METTL15: variants seen among roughly 807,000 people sequenced by gnomAD.
METTL15 encodes the protein methyltransferase 15, mitochondrial 12S rRNA N4-cytidine, also known as 12S rRNA N(4)-cytidine methyltransferase METTL15.
METTL15 carries 34 observed loss-of-function variants against 38.3 expected under a neutral mutation model. The ratio of observed to expected loss-of-function variants is 0.89; its 90% confidence interval spans 0.68 to 1.18. The LOEUF is 1.18. Ranked by LOEUF, METTL15 falls within the 50% of genes most tolerant of loss-of-function variation. The pLI is 0.00. For synonymous variants in METTL15, 162 were observed against 170.9 expected, an observed-to-expected ratio of 0.95 and a Z score of 0.41; for missense variants, 438 against 498.4, an observed-to-expected ratio of 0.88 and a Z score of 1.15.
intron 6 of METTL15, among the ~76,000 whole-genome samples, chr11:28,480,838 G>A (rs1851388874): frequency 6.6e-6 from 1 of 152,130 alleles, no homozygotes; most frequent in Admixed American, 6.5e-5. Flanking sequence ...CAGACAGAAG[G>A]AAAAGACACT....
intron 6 of METTL15, among the ~76,000 whole-genome samples, chr11:28,302,752 A>G (rs188874554): frequency 1.2e-4 from 18 of 152,314 alleles, no homozygotes; most frequent in Admixed American, 1.1e-3. Context: ...TATGCAGGTA[A>G]GTTAGGAAAA....
intron 4 of METTL15, among the ~76,000 whole-genome samples, chr11:28,354,444 GAA>G (rs1850072829): frequency 6.6e-6 from 1 of 152,156 alleles, no homozygotes; most frequent in Admixed American, 6.6e-5. Flanking sequence ...AGACAGAGAG[GAA>G]CCTAACATTG....
intron 3 of METTL15, among the ~76,000 whole-genome samples, chr11:28,344,253 G>A (rs924251367): frequency 2.0e-4 from 30 of 152,132 alleles, no homozygotes; most frequent in African/African-American, 6.7e-4. Context: ...ACATTATTAA[G>A]AATACTAATA....
intron 3 of METTL15, among the ~76,000 whole-genome samples, chr11:28,128,592 T>G (rs925864953): frequency 6.6e-6 from 1 of 152,160 alleles, no homozygotes; most frequent in African/African-American, 2.4e-5. Flanking sequence ...AATGGACATT[T>G]TATATGAATC....
At chr11:28,200,581 C>T (rs569443055) in intron 3 of METTL15, among the ~76,000 whole-genome samples, 4 of 152,184 alleles carry the variant, frequency 2.6e-5, no homozygotes, top group South Asian at 4.1e-4. Flanking sequence ...ACCCTACCAG[C>T]GGTCTAATAT....
At chr11:28,159,836 T>C (rs112295641) in intron 3 of METTL15, among the ~76,000 whole-genome samples, 84 of 152,286 alleles carry the variant, frequency 5.5e-4, no homozygotes, top group Middle Eastern at 3.4e-3. Context: ...TTGAAGATTA[T>C]GTGTGATTTC....
chr11:28,393,451 G>C (rs1316800454), intron 5 of METTL15, among the ~76,000 whole-genome samples: 7 of 152,028 alleles, frequency 4.6e-5, no homozygotes, highest in Non-Finnish European at 7.4e-5. Context: ...TTTTGAAGTG[G>C]CTTAGTTAGG....
intron 5 of METTL15, among the ~76,000 whole-genome samples, chr11:28,403,919 C>T (rs1441358996): frequency 6.6e-6 from 1 of 151,858 alleles, no homozygotes; most frequent in Non-Finnish European, 1.5e-5. Flanking sequence ...TTTTTAAAAA[C>T]CATGCTGATT....
chr11:28,470,668 A>T (rs1055674516), intron 6 of METTL15, among the ~76,000 whole-genome samples: 3 of 152,150 alleles, frequency 2.0e-5, no homozygotes, highest in African/African-American at 7.2e-5. Flanking sequence ...CTTATTATTT[A>T]AGCCATTTTT....
intron 4 of METTL15, among the ~76,000 whole-genome samples, chr11:28,234,348 T>C (rs376723636): frequency 6.6e-6 from 1 of 151,572 alleles, no homozygotes; most frequent in African/African-American, 2.4e-5. Context: ...TCAAATGGTA[T>C]TTCTAGTTCT....
chr11:28,123,778 A>G (rs562309844), intron 3 of METTL15: 4 of 967,340 alleles, frequency 4.1e-6, no homozygotes, highest in East Asian at 5.7e-5. Flanking sequence ...GGCCTGTGTC[A>G]TCTGTAATAG....
chr11:28,211,171 T>C lies in METTL15; in HGVS notation c.380T>C (p.Leu127Ser). 1 of 1,610,340 alleles carries C rather than the reference T, an allele frequency of 6.2e-7. No individual in the cohort carries two copies. Residue 127 changes from leucine (L) to serine (S), a missense_variant, in exon 4 of 7, where the codon TTA (leucine) becomes TCA (serine). Coordinates refer to ENST00000407364, the MANE Select transcript of METTL15 (RefSeq NM_001113528.2). ...GACAGAGACCCAACAGCTTATGCAT[T>C]AGCTGAACATCTTTCAGAGTTGTAT... ...ALDRDPTAYA[L>S]AEHLSELYPK...
chr11:28,273,900 A>T (rs1855743531), intron 4 of METTL15, among the ~76,000 whole-genome samples: 1 of 152,114 alleles, frequency 6.6e-6, no homozygotes, highest in African/African-American at 2.4e-5. Context: ...ATGCACTTGC[A>T]GATTTCCGTC....
intron 5 of METTL15, among the ~76,000 whole-genome samples, 155 bp from the exon 6 acceptor site, chr11:28,296,598 A>G (rs183164335): frequency 7.2e-5 from 11 of 152,158 alleles, no homozygotes; most frequent in East Asian, 5.8e-4. Flanking sequence ...TAGAAAGTCT[A>G]TTTCATTTGT....
At chr11:28,399,047 T>A (rs1317557511) in intron 5 of METTL15, 1 of 152,058 alleles carries the variant, frequency 6.6e-6, no homozygotes, top group South Asian at 2.1e-4. Context: ...GACTTCAAAC[T>A]ATCCTACAAG....
chr11:28,182,510 G>A (rs1409809182), intron 3 of METTL15, among the ~76,000 whole-genome samples: 1 of 152,092 alleles, frequency 6.6e-6, no homozygotes, highest in Admixed American at 6.6e-5. Flanking sequence ...TATTAAATAG[G>A]GAATCTTTTC....
In METTL15 at chr11:28,177,898, T is replaced by C. The variant is rs746689870; in HGVS notation, c.271-33164T>C. The stretch of plus-strand genomic sequence containing the variant: ...AAAACAAAAGTTTAATAACCCTTCA[T>C]GAATTTATTGTAAGGCTATGGGACA... On this transcript the variant is annotated intron_variant, in intron 3 of 6. Transcript: ENST00000407364. 3.3e-5 allele frequency among the ~76,000 whole-genome samples: 5 copies of C among 152,102 alleles called. No individual in the cohort carries two copies. The South Asian group carries it at 8.3e-4, about 25-fold the overall frequency.
chr11:28,524,735 G>A (rs1851794926), intron 6 of METTL15, among the ~76,000 whole-genome samples: 1 of 152,166 alleles, frequency 6.6e-6, no homozygotes, highest in Admixed American at 6.5e-5. Context: ...TTGAGATACA[G>A]TAAATTGAAG....
chr11:28,310,914 CTGGTGGTGGTGGTGGTGGTGGTGG>C (rs1176508624), intron 6 of METTL15, among the ~76,000 whole-genome samples: 1 of 110,084 alleles, frequency 9.1e-6, no homozygotes, highest in Non-Finnish European at 1.9e-5. Context: ...GCTGCTGCTG[CTGGTGGTGGTGGTGGTGGTGGTGG>C]TGGTGGTGGT....
Sources: gnomAD v4.1 joint callset for allele counts (sites outside exome capture counted in the v4.1 genomes callset) on GRCh38, gnomAD v4.1.1 for gene constraint, MANE v1.5 for transcripts, NCBI Gene and HGNC (gene_info 2026-07-23, HGNC 2026-07-21) for gene names.